The following ATRNL1 variants were observed in gnomAD, a reference collection of about 807,000 sequenced individuals.
The protein encoded by ATRNL1 is attractin-like protein 1.
Under a neutral mutation model 182.7 loss-of-function variants are expected in ATRNL1, and 95 were observed. The observed-to-expected ratio is 0.52, with a 90% CI of 0.44 to 0.62. The LOEUF is 0.62. Ranked by LOEUF, ATRNL1 falls within the 20% of genes least tolerant of loss-of-function variation. ATRNL1 has a pLI of 0.00. For synonymous variants in ATRNL1, 576 were observed against 568.3 expected (o/e 1.01, Z -0.19); for missense variants, 1,471 against 1,679.5 (o/e 0.88, Z 2.17).
chr10:115,319,426 A>C (rs1217897520), intron 18 of ATRNL1, among the ~76,000 whole-genome samples: 2 of 152,186 alleles, frequency 1.3e-5, no homozygotes, highest in African/African-American at 4.8e-5. Context: ...AGCTGAGTTC[A>C]AGTCCTGAAT....
intron 28 of ATRNL1, among the ~76,000 whole-genome samples, chr10:115,913,737 T>C (rs1283872798): frequency 6.6e-6 from 1 of 152,176 alleles, no homozygotes; most frequent in African/African-American, 2.4e-5. Flanking sequence ...TGTCAGCCTG[T>C]GCAGAAAGCA....
chr10:115,279,191 G>A (rs1852242310), intron 13 of ATRNL1, among the ~76,000 whole-genome samples: 1 of 147,100 alleles, frequency 6.8e-6, no homozygotes, highest in African/African-American at 2.5e-5. Context: ...GACAGAGCAA[G>A]ACTCTGTCTC....
At chr10:115,198,166 C>T (rs1848431725) in intron 8 of ATRNL1, among the ~76,000 whole-genome samples, 1 of 152,112 alleles carries the variant, frequency 6.6e-6, no homozygotes, top group Non-Finnish European at 1.5e-5. Flanking sequence ...ACATTCTTGC[C>T]AACACTTGTT....
At chr10:115,419,153 T>C (rs1307714463) in intron 20 of ATRNL1, among the ~76,000 whole-genome samples, 1 of 152,198 alleles carries the variant, frequency 6.6e-6, no homozygotes, top group Non-Finnish European at 1.5e-5. Flanking sequence ...TGAGTTAAAA[T>C]GTACCATTTT....
intron 19 of ATRNL1, among the ~76,000 whole-genome samples, chr10:115,337,560 C>T (rs1446307145): frequency 1.3e-5 from 2 of 152,064 alleles, no homozygotes; most frequent in African/African-American, 4.8e-5. Flanking sequence ...CCTTCCCAGC[C>T]TCTGGTAACC....
chr10:115,283,195 C>T (rs1304054707), intron 14 of ATRNL1, among the ~76,000 whole-genome samples: 6 of 152,082 alleles, frequency 3.9e-5, no homozygotes, highest in Non-Finnish European at 8.8e-5. Context: ...GGGTGGATCA[C>T]TTGAGGTCAG....
intron 24 of ATRNL1, among the ~76,000 whole-genome samples, chr10:115,491,111 T>A (rs1849279277): frequency 6.6e-6 from 1 of 152,146 alleles, no homozygotes; most frequent in Non-Finnish European, 1.5e-5. Context: ...GCAAGCTTCG[T>A]TCCAGAGGGG....
chr10:115,288,267 A>G (rs1852724020), intron 15 of ATRNL1, among the ~76,000 whole-genome samples: 2 of 152,162 alleles, frequency 1.3e-5, no homozygotes, highest in African/African-American at 4.8e-5. Context: ...GCTGGAACAA[A>G]TGATAGTTCT....
chr10:115,258,953 G>T (rs1851277775), intron 10 of ATRNL1, among the ~76,000 whole-genome samples: 1 of 152,208 alleles, frequency 6.6e-6, no homozygotes, highest in Non-Finnish European at 1.5e-5. Context: ...GGAGGCTGCA[G>T]AACAGCAAGT....
intron 19 of ATRNL1, among the ~76,000 whole-genome samples, chr10:115,368,258 G>A (rs1346523397): frequency 8.5e-5 from 13 of 152,338 alleles, no homozygotes; most frequent in East Asian, 1.9e-4. Context: ...TCCGAAAAGC[G>A]CAATATTCGG....
At chr10:115,615,558 A>C (rs752313351) in intron 26 of ATRNL1, among the ~76,000 whole-genome samples, 3 of 152,156 alleles carry the variant, frequency 2.0e-5, no homozygotes, top group Non-Finnish European at 2.9e-5. Flanking sequence ...GTCCCCATCC[A>C]AATCTAATGT....
At chr10:115,241,486 G>A (rs1190804381) in intron 9 of ATRNL1, 85 bp from the exon 10 acceptor site, 4 of 867,414 alleles carry the variant, frequency 4.6e-6, no homozygotes, top group Admixed American at 2.6e-5. Context: ...ACCTCTATAT[G>A]CAAAGTAGAC....
intron 18 of ATRNL1, among the ~76,000 whole-genome samples, chr10:115,319,916 G>C (rs1854499197): frequency 6.6e-6 from 1 of 151,754 alleles, no homozygotes; most frequent in Non-Finnish European, 1.5e-5. Context: ...TGTTATGTGT[G>C]AATTTGATCC....
rs182390866 is a variant in ATRNL1, at chr10:115,811,656, A to G, written c.3904-36221A>G. On this transcript the variant is annotated intron_variant, in intron 27 of 28. Coordinates refer to ENST00000355044, the MANE Select transcript of ATRNL1 (RefSeq NM_207303.4). Reference sequence around the variant, plus strand: ...AGCTCTGTTATCTTTAAGCACATACACATTCAGCTGTCTACTATTAGCTAG... The same window carrying G: ...AGCTCTGTTATCTTTAAGCACATACGCATTCAGCTGTCTACTATTAGCTAG... 7.0e-3 allele frequency among the ~76,000 whole-genome samples: 1,065 copies of G among 152,112 alleles called. 5 individuals carry two copies. Among genetic ancestry groups the G allele is most frequent in the Non-Finnish European group, 0.011 (730 of 67,914 alleles).
In ATRNL1 at chr10:115,853,881, G is replaced by A. The variant is rs112929844; in HGVS notation, c.4018+5890G>A. Among the ~76,000 whole-genome samples, 28 of 152,222 alleles carry A rather than the reference G, an allele frequency of 1.8e-4. No homozygotes were observed. The South Asian group carries it at 4.4e-3, about 24-fold the overall frequency. On this transcript the variant is annotated intron_variant, in intron 28 of 28. Transcript: ENST00000355044. ...GATTCTTGTTAATAAATATGACTCC[G>A]TGTCAAAAAATATCTGATATTAAAA...
intron 5 of ATRNL1, among the ~76,000 whole-genome samples, chr10:115,133,445 TAAAG>T (rs1337690102): frequency 6.6e-6 from 1 of 152,004 alleles, no homozygotes; most frequent in Non-Finnish European, 1.5e-5. Context: ...TCAAAAGAGA[TAAAG>T]AAGGCCATTA....
rs182360495 is a variant in ATRNL1, at chr10:115,445,220, G to C, written c.3323-16721G>C. ...GAGACGGGTAGATCACCTGAGGTCAGGAGTTTGAGACCAGCCTGGCCAACA... is the reference window on the plus strand; with the variant it reads ...GAGACGGGTAGATCACCTGAGGTCACGAGTTTGAGACCAGCCTGGCCAACA... On this transcript the variant is annotated intron_variant, in intron 21 of 28. Coordinates refer to ENST00000355044, the MANE Select transcript of ATRNL1 (RefSeq NM_207303.4). 3.0e-3 allele frequency among the ~76,000 whole-genome samples: 445 copies of C among 150,394 alleles called. 2 individuals are homozygous for C. Among genetic ancestry groups the C allele is most frequent in the African/African-American group, 9.6e-3 (397 of 41,148 alleles).
chr10:115,297,150 AC>A (rs1554922900), intron 15 of ATRNL1, among the ~76,000 whole-genome samples: 1 of 151,988 alleles, frequency 6.6e-6, no homozygotes, highest in Non-Finnish European at 1.5e-5. Context: ...CTTGAGAGCT[AC>A]TAGCTTAATG....
intron 9 of ATRNL1, among the ~76,000 whole-genome samples, chr10:115,221,519 C>T (rs1176093967): frequency 3.3e-5 from 5 of 151,980 alleles, no homozygotes; most frequent in Non-Finnish European, 7.4e-5. Flanking sequence ...TTTTATTTGC[C>T]TAAAGCATGA....
Sources: gnomAD v4.1 joint callset for allele counts (sites outside exome capture counted in the v4.1 genomes callset) on GRCh38, gnomAD v4.1.1 for gene constraint, MANE v1.5 for transcripts, NCBI Gene and HGNC (gene_info 2026-07-23, HGNC 2026-07-21) for gene names.